CACNA2D3: variants seen among roughly 807,000 people sequenced by gnomAD.
CACNA2D3 encodes the protein voltage-dependent calcium channel subunit alpha-2/delta-3.
Under a neutral mutation model 160.6 loss-of-function variants are expected in CACNA2D3, and 60 were observed. The observed-to-expected ratio is 0.37, with a 90% CI of 0.30 to 0.46. CACNA2D3 has a LOEUF of 0.46. CACNA2D3 is among the 20% of genes least tolerant of loss of function. The pLI is 1.00. For synonymous variants in CACNA2D3, 558 were observed against 492.9 expected, an observed-to-expected ratio of 1.13 and a Z score of -1.75; for missense variants, 1,205 against 1,365.0, an observed-to-expected ratio of 0.88 and a Z score of 1.85.
At chr3:54,448,118 G>A (rs1700251108) in intron 4 of CACNA2D3, among the ~76,000 whole-genome samples, 1 of 152,026 alleles carries the variant, frequency 6.6e-6, no homozygotes, top group East Asian at 1.9e-4. Context: ...CGTCTTCCTG[G>A]GCTGGTCCAT....
chr3:54,174,317 C>G (rs1002098250), intron 2 of CACNA2D3, among the ~76,000 whole-genome samples: 1 of 152,144 alleles, frequency 6.6e-6, no homozygotes, highest in African/African-American at 2.4e-5. Context: ...ACAGACTCCC[C>G]CTTCAGTCCT....
At chr3:54,426,107 G>A (rs138643436) in intron 4 of CACNA2D3, among the ~76,000 whole-genome samples, 73 of 152,206 alleles carry the variant, frequency 4.8e-4, no homozygotes, top group African/African-American at 1.7e-3. Flanking sequence ...TCAGATAGAC[G>A]TCATCTCTGG....
At chr3:54,980,808 A>G (rs545659087) in intron 29 of CACNA2D3, among the ~76,000 whole-genome samples, 20 of 152,350 alleles carry the variant, frequency 1.3e-4, no homozygotes, top group African/African-American at 4.6e-4. Flanking sequence ...TAGCAAAGCT[A>G]ATATCTGACT....
rs531516742 is a variant in CACNA2D3 at position 54,525,531 on chromosome 3, T to C, written c.544+21877T>C. On this transcript the variant is annotated intron_variant, in intron 5 of 37. Coordinates refer to ENST00000474759, the MANE Select transcript of CACNA2D3 (RefSeq NM_018398.3). ...TCTGCTAGCACTAAATTCTCTCAGT[T>C]TTTCTTTATCTGTTAATATCTTTAT... Among the ~76,000 whole-genome samples the C allele has an allele frequency of 1.9e-4, 29 of 152,298 alleles. No homozygotes were observed. In the Middle Eastern group the frequency reaches 0.014, roughly 71 times the overall value.
At chr3:54,823,204 A>G (rs1277605030) in intron 14 of CACNA2D3, among the ~76,000 whole-genome samples, 2 of 151,894 alleles carry the variant, frequency 1.3e-5, no homozygotes, top group Non-Finnish European at 2.9e-5. Flanking sequence ...ATATCAAACA[A>G]CCTCATAGTG....
At chr3:54,623,760 C>T (rs1311703293) in intron 9 of CACNA2D3, among the ~76,000 whole-genome samples, 1 of 152,182 alleles carries the variant, frequency 6.6e-6, no homozygotes, top group Non-Finnish European at 1.5e-5. Flanking sequence ...GGCTAATGAG[C>T]ACTTGAAATG....
Position 54,569,945 on chromosome 3 carries a change from T to G in CACNA2D3, c.738-9T>G, listed in dbSNP as rs1280307140. ...GATTAATTTTGACTTAATTTTTCCC[T>G]TGACCTAGGTACATCCAGGCAGCAA... On this transcript the variant is annotated splice_polypyrimidine_tract_variant and intron_variant, in intron 7 of 37. Coordinates refer to ENST00000474759, the MANE Select transcript of CACNA2D3 (RefSeq NM_018398.3). 1.9e-6 allele frequency: 3 copies of G among 1,613,748 alleles called. No individual in the cohort carries two copies. Among genetic ancestry groups the G allele is most frequent in the Non-Finnish European group, 2.5e-6 (3 of 1,179,764 alleles).
chr3:54,339,862 A>G (rs1345541853), intron 3 of CACNA2D3, among the ~76,000 whole-genome samples: 1 of 152,210 alleles, frequency 6.6e-6, no homozygotes, highest in Admixed American at 6.5e-5. Flanking sequence ...GTGGAAAGTC[A>G]TAGGAGGTTT....
At chr3:54,380,308 T>C (rs1225373512) in intron 3 of CACNA2D3, among the ~76,000 whole-genome samples, 1 of 152,228 alleles carries the variant, frequency 6.6e-6, no homozygotes, top group African/African-American at 2.4e-5. Context: ...CAGAGAGGAC[T>C]TAGATCTCCT....
At chr3:54,700,459 C>A (rs1230464710) in intron 11 of CACNA2D3, among the ~76,000 whole-genome samples, 1 of 152,152 alleles carries the variant, frequency 6.6e-6, no homozygotes. Context: ...AACCAAATTT[C>A]AAGTGTTTTA....
intron 35 of CACNA2D3, among the ~76,000 whole-genome samples, chr3:55,049,064 C>G (rs1022927476): frequency 1.3e-5 from 2 of 151,450 alleles, no homozygotes; most frequent in African/African-American, 4.9e-5. Context: ...CTCCTGGATT[C>G]ATTAATTTTT....
chr3:54,729,327 C>T (rs892821441), intron 11 of CACNA2D3, among the ~76,000 whole-genome samples: 1 of 152,320 alleles, frequency 6.6e-6, no homozygotes, highest in East Asian at 1.9e-4. Flanking sequence ...GTGGCACCTT[C>T]AAGCCCTCAT....
rs1449654264 is a variant in CACNA2D3 at position 54,687,309 on chromosome 3, T to A, written c.1167+45068T>A. 1.8e-4 allele frequency among the ~76,000 whole-genome samples: 16 copies of A among 90,092 alleles called. No individual in the cohort carries two copies. In the Admixed American group the frequency reaches 1.9e-3, roughly 10 times the overall value. 59.1% of individuals were successfully genotyped at this position (90,092 alleles called of 152,430 possible). ...GCACTCACCACCAAGCCTGGCTAAT[T>A]TTTTTTTTTTTTTTTGTACCTTTAA... On this transcript the variant is annotated intron_variant, in intron 11 of 37. Coordinates refer to ENST00000474759, the MANE Select transcript of CACNA2D3 (RefSeq NM_018398.3).
chr3:55,065,107 A>G (rs1249163007), intron 35 of CACNA2D3, among the ~76,000 whole-genome samples: 1 of 152,122 alleles, frequency 6.6e-6, no homozygotes, highest in East Asian at 1.9e-4. Context: ...TTGATTCACA[A>G]AGGGGTGCCT....
chr3:54,506,170 C>CTT (rs373033658), intron 5 of CACNA2D3, among the ~76,000 whole-genome samples: 1 of 149,686 alleles, frequency 6.7e-6, no homozygotes, highest in African/African-American at 2.5e-5. Context: ...CCCTAACAGC[C>CTT]TTTTTTTTTT....
At chr3:54,813,746 T>G (rs1251869188) in intron 13 of CACNA2D3, among the ~76,000 whole-genome samples, 1 of 152,098 alleles carries the variant, frequency 6.6e-6, no homozygotes, top group African/African-American at 2.4e-5. Flanking sequence ...TAGAAAGGCA[T>G]TACTTGAAAA....
chr3:54,962,530 T>A (rs1180535093), intron 27 of CACNA2D3, among the ~76,000 whole-genome samples: 1 of 152,210 alleles, frequency 6.6e-6, no homozygotes, highest in East Asian at 1.9e-4. Flanking sequence ...ACCCGTGATT[T>A]TATTTACTCT....
At chr3:54,634,639 A>G (rs980519914) in intron 10 of CACNA2D3, 4 of 152,052 alleles carry the variant, frequency 2.6e-5, no homozygotes, top group African/African-American at 9.7e-5. Context: ...AGGTAAAGGA[A>G]AATTACAGTC....
In CACNA2D3 at chr3:54,545,011, A is replaced by G. The variant is rs149414685; in HGVS notation, c.545-17789A>G. Among the ~76,000 whole-genome samples, 242 of 152,326 alleles carry G rather than the reference A, an allele frequency of 1.6e-3. 2 individuals carry two copies. Among genetic ancestry groups the G allele is most frequent in the African/African-American group, 5.6e-3 (233 of 41,578 alleles). The stretch of plus-strand genomic sequence containing the variant: ...TGTCTTGTTTCTAGTTACCTGCTGT[A>G]ATAAAATTAGTCATCAAATGCGTTA... On this transcript the variant is annotated intron_variant, in intron 5 of 37. Coordinates refer to ENST00000474759, the MANE Select transcript of CACNA2D3 (RefSeq NM_018398.3).
Sources: allele counts gnomAD v4.1 joint callset (sites outside exome capture counted in the v4.1 genomes callset), GRCh38; gene constraint gnomAD v4.1.1; transcripts MANE v1.5; gene names NCBI Gene and HGNC (gene_info 2026-07-23, HGNC 2026-07-21).